The following PDE3A variants were observed in gnomAD, a reference collection of about 807,000 sequenced individuals.
PDE3A encodes phosphodiesterase 3A.
Under a neutral mutation model 98.3 loss-of-function variants are expected in PDE3A, and 43 were observed. The observed-to-expected ratio is 0.44, with a 90% confidence interval of 0.34 to 0.56. PDE3A has a LOEUF of 0.56. Ranked by LOEUF, PDE3A falls within the 20% of genes least tolerant of loss-of-function variation. The pLI is 0.01. For missense variants in PDE3A, 1,427 were observed against 1,440.7 expected, an observed-to-expected ratio of 0.99 and a Z score of 0.15; for synonymous variants, 663 against 567.9, an observed-to-expected ratio of 1.17 and a Z score of -2.38.
Position 20,544,639 on chromosome 12 carries a change from A to G in PDE3A, c.961-12021A>G, listed in dbSNP as rs369360341. On this transcript the variant is annotated intron_variant, in intron 1 of 15. Coordinates refer to ENST00000359062, the MANE Select transcript of PDE3A (RefSeq NM_000921.5). Reference sequence around the variant, plus strand: ...ATTTATTGTTGTAAGTAGCACAGTAAGAATAAAAACGTTTATGATTTGCAA... The same window carrying G: ...ATTTATTGTTGTAAGTAGCACAGTAGGAATAAAAACGTTTATGATTTGCAA... Among the ~76,000 whole-genome samples, 101 of 152,074 alleles carry G rather than the reference A, an allele frequency of 6.6e-4. 1 individual carries two copies. Among genetic ancestry groups the G allele is most frequent in the African/African-American group, 2.4e-3 (100 of 41,548 alleles).
rs936122897 is a variant in PDE3A, at chr12:20,426,608, A to T, written c.960+56364A>T. 4.6e-5 allele frequency among the ~76,000 whole-genome samples: 7 copies of T among 152,336 alleles called. No homozygotes were observed. In the South Asian group the frequency reaches 1.2e-3, roughly 27 times the overall value. On this transcript the variant is annotated intron_variant, in intron 1 of 15. Transcript: ENST00000359062. ...ACTGTATAGTGTAGAGAAGACTAATAGGAACTAAAACACTTGTCTCCAACT... is the reference window on the plus strand; with the variant it reads ...ACTGTATAGTGTAGAGAAGACTAATTGGAACTAAAACACTTGTCTCCAACT...
chr12:20,614,440 A>G (rs1943949768), intron 3 of PDE3A, among the ~76,000 whole-genome samples: 2 of 152,182 alleles, frequency 1.3e-5, no homozygotes, highest in African/African-American at 4.8e-5. Flanking sequence ...ACAATCAGCT[A>G]TCCCTTTGAG....
intron 1 of PDE3A, among the ~76,000 whole-genome samples, chr12:20,457,322 A>G (rs1945170190): frequency 6.6e-6 from 1 of 151,338 alleles, no homozygotes; most frequent in Admixed American, 6.6e-5. Flanking sequence ...TAACATTGCT[A>G]TACTGAGACC....
intron 15 of PDE3A, among the ~76,000 whole-genome samples, chr12:20,661,672 C>T (rs569311557): frequency 6.6e-6 from 1 of 152,184 alleles, no homozygotes; most frequent in East Asian, 1.9e-4. Context: ...GCCTTGGCAC[C>T]TTCCATGTGG....
intron 1 of PDE3A, among the ~76,000 whole-genome samples, chr12:20,475,317 A>G (rs1945512445): frequency 6.6e-6 from 1 of 152,004 alleles, no homozygotes; most frequent in African/African-American, 2.4e-5. Context: ...CGGTTAGCTC[A>G]CACTTGCTTT....
At chr12:20,450,005 C>G (rs1945036201) in intron 1 of PDE3A, 2 of 685,918 alleles carry the variant, frequency 2.9e-6, no homozygotes, top group African/African-American at 3.6e-5. Context: ...AATAAATTAG[C>G]TCCATCTACC....
At chr12:20,679,618 G>A (rs1945720104) in intron 15 of PDE3A, among the ~76,000 whole-genome samples, 1 of 152,056 alleles carries the variant, frequency 6.6e-6, no homozygotes, top group Non-Finnish European at 1.5e-5. Flanking sequence ...TATCAGTCTT[G>A]TAGATGTTTG....
chr12:20,384,205 A>C (rs1219433259), intron 1 of PDE3A, among the ~76,000 whole-genome samples: 1 of 141,518 alleles, frequency 7.1e-6, no homozygotes, highest in Middle Eastern at 3.6e-3. Context: ...TTTTTTCTCT[A>C]ATTTTATCTT....
chr12:20,676,447 A>T (rs1454454139), intron 15 of PDE3A, among the ~76,000 whole-genome samples: 1 of 150,402 alleles, frequency 6.6e-6, no homozygotes, highest in Non-Finnish European at 1.5e-5. Context: ...TTTCCTTATA[A>T]GTTACTAGAT....
intron 1 of PDE3A, among the ~76,000 whole-genome samples, chr12:20,409,660 A>G (rs10505865): frequency 0.63 from 96,232 of 151,962 alleles, 31,806 homozygotes; most frequent in East Asian, 0.89. Flanking sequence ...ACCCCAGATA[A>G]TGATTTTTTA....
At chr12:20,569,693 TAAG>T (rs1038229155) in intron 2 of PDE3A, among the ~76,000 whole-genome samples, 26 of 152,254 alleles carry the variant, frequency 1.7e-4, no homozygotes, top group African/African-American at 6.3e-4. Flanking sequence ...AATACTAAAC[TAAG>T]AAGATTCAAG....
At chr12:20,551,062 A>G (rs1022243878) in intron 1 of PDE3A, among the ~76,000 whole-genome samples, 3 of 151,218 alleles carry the variant, frequency 2.0e-5, no homozygotes, top group Admixed American at 6.6e-5. Flanking sequence ...AGCAATATAT[A>G]TGCTTAGTTT....
In PDE3A at chr12:20,680,555, A is replaced by T; in HGVS notation, c.*284A>T. The T allele has an allele frequency of 3.1e-6, 1 of 319,074 alleles. No homozygotes were observed. Among genetic ancestry groups the T allele is most frequent in the Admixed American group, 4.6e-5 (1 of 21,598 alleles). 19.8% of individuals were successfully genotyped at this position (319,074 alleles called of 1,614,324 possible). Reference sequence around the variant, plus strand: ...ATAAGCTCCCACATAGATACATGTAAAACATATTCACACCCATGCACGCAC... The same window carrying T: ...ATAAGCTCCCACATAGATACATGTATAACATATTCACACCCATGCACGCAC... On this transcript the variant is annotated 3_prime_UTR_variant, in exon 16 of 16. Coordinates refer to ENST00000359062, the MANE Select transcript of PDE3A (RefSeq NM_000921.5).
chr12:20,465,991 G>A (rs566877946), intron 1 of PDE3A, among the ~76,000 whole-genome samples: 6 of 152,124 alleles, frequency 3.9e-5, no homozygotes, highest in Non-Finnish European at 8.8e-5. Flanking sequence ...TGCAGAGCCC[G>A]TTGCCTAGTG....
intron 2 of PDE3A, among the ~76,000 whole-genome samples, chr12:20,566,683 A>T (rs1397686901): frequency 1.3e-5 from 2 of 151,934 alleles, no homozygotes; most frequent in Admixed American, 1.3e-4. Context: ...AGAGGAGAGG[A>T]AAGAAGTTGT....
intron 1 of PDE3A, among the ~76,000 whole-genome samples, chr12:20,479,365 A>C (rs1201214535): frequency 6.6e-6 from 1 of 152,184 alleles, no homozygotes; most frequent in Admixed American, 6.5e-5. Context: ...TGTACTAGTA[A>C]GCCCAGGGGA....
At chr12:20,595,613 G>T (rs1276531795) in intron 2 of PDE3A, among the ~76,000 whole-genome samples, 1 of 152,180 alleles carries the variant, frequency 6.6e-6, no homozygotes, top group Non-Finnish European at 1.5e-5. Context: ...AGCCAGAGTA[G>T]AATGTAGCTG....
intron 2 of PDE3A, among the ~76,000 whole-genome samples, chr12:20,564,470 T>C (rs1357388515): frequency 6.6e-6 from 1 of 152,172 alleles, no homozygotes; most frequent in African/African-American, 2.4e-5. Context: ...AACATATTCA[T>C]TTCATTGTGA....
intron 1 of PDE3A, among the ~76,000 whole-genome samples, chr12:20,371,176 A>G (rs1943467187): frequency 6.6e-6 from 1 of 152,176 alleles, no homozygotes; most frequent in Admixed American, 6.5e-5. Flanking sequence ...ACTTTTGGGG[A>G]TGAGTCTCCT....
Sources: allele counts gnomAD v4.1 joint callset (sites outside exome capture counted in the v4.1 genomes callset), GRCh38; gene constraint gnomAD v4.1.1; transcripts MANE v1.5; gene names NCBI Gene and HGNC (gene_info 2026-07-23, HGNC 2026-07-21).